TIMP3: variants seen among roughly 807,000 people sequenced by gnomAD.
TIMP3 encodes TIMP metallopeptidase inhibitor 3, also known as metalloproteinase inhibitor 3.
A neutral mutation model predicts 30.0 loss-of-function variants in TIMP3; 11 were observed. The ratio of observed to expected loss-of-function variants is 0.37; its 90% CI spans 0.23 to 0.61. The LOEUF (loss-of-function observed/expected upper bound fraction) is 0.61. TIMP3 is among the 20% of genes least tolerant of loss of function. The pLI is 0.70. For missense variants in TIMP3, 181 were observed against 276.8 expected (o/e 0.65, Z 2.45); for synonymous variants, 112 against 111.3 (o/e 1.01, Z -0.04).
At chr22:32,834,515 A>G (rs2047674066) in intron 1 of TIMP3, among the ~76,000 whole-genome samples, 1 of 152,102 alleles carries the variant, frequency 6.6e-6, no homozygotes, top group Admixed American at 6.5e-5. Context: ...AAGAAGTGTC[A>G]CATGCAGCCA....
chr22:32,827,669 C>T (rs1601470315), intron 1 of TIMP3, among the ~76,000 whole-genome samples: 1 of 152,338 alleles, frequency 6.6e-6, no homozygotes, highest in African/African-American at 2.4e-5. Context: ...ATGTCAGTCA[C>T]ATCTCTGCCA....
chr22:32,841,327 C>G (rs1434065065), intron 1 of TIMP3, among the ~76,000 whole-genome samples: 1 of 152,142 alleles, frequency 6.6e-6, no homozygotes, highest in African/African-American at 2.4e-5. Flanking sequence ...AGCACAGTGT[C>G]AGGGGCCAAG....
At chr22:32,838,933 T>C (rs1180693165) in intron 1 of TIMP3, among the ~76,000 whole-genome samples, 1 of 151,446 alleles carries the variant, frequency 6.6e-6, no homozygotes, top group Admixed American at 6.6e-5. Flanking sequence ...GAACCAATCA[T>C]TAAAGAACAC....
chr22:32,813,250 C>A (rs1191342279), intron 1 of TIMP3, among the ~76,000 whole-genome samples: 3 of 152,068 alleles, frequency 2.0e-5, no homozygotes, highest in Non-Finnish European at 4.4e-5. Context: ...ATAAGACAAG[C>A]AATAAAACAG....
At chr22:32,810,480 G>A (rs2046887786) in intron 1 of TIMP3, among the ~76,000 whole-genome samples, 1 of 145,990 alleles carries the variant, frequency 6.8e-6, no homozygotes, top group African/African-American at 2.5e-5. Context: ...GAGAGCCCAA[G>A]GTAAAGTTCA....
At chr22:32,824,147 G>C (rs117418375) in intron 1 of TIMP3, among the ~76,000 whole-genome samples, 5 of 151,710 alleles carry the variant, frequency 3.3e-5, no homozygotes, top group Non-Finnish European at 5.9e-5. Context: ...GTGTGGTGGC[G>C]CACATCTGAA....
intron 1 of TIMP3, among the ~76,000 whole-genome samples, chr22:32,803,701 G>A (rs894622157): frequency 6.6e-6 from 1 of 152,182 alleles, no homozygotes; most frequent in Non-Finnish European, 1.5e-5. Flanking sequence ...AGTGTGGGGA[G>A]TTGCTGCTGC....
intron 1 of TIMP3, among the ~76,000 whole-genome samples, chr22:32,831,132 G>C (rs971636228): frequency 2.5e-4 from 38 of 152,184 alleles, no homozygotes; most frequent in African/African-American, 8.0e-4. Flanking sequence ...AGATCAAGGT[G>C]GCAGCGTGAC....
intron 1 of TIMP3, among the ~76,000 whole-genome samples, chr22:32,806,598 G>A (rs1411930676): frequency 6.6e-6 from 1 of 152,196 alleles, no homozygotes; most frequent in African/African-American, 2.4e-5. Context: ...TTGGCTGTGT[G>A]TGCCTAGGCA....
chr22:32,838,017 C>T (rs372185808), intron 1 of TIMP3, among the ~76,000 whole-genome samples: 29 of 152,324 alleles, frequency 1.9e-4, no homozygotes, highest in African/African-American at 2.9e-4. Context: ...CTCCCTCCGG[C>T]GCCTCCAGGC....
At chr22:32,833,281 C>T (rs2047631802) in intron 1 of TIMP3, among the ~76,000 whole-genome samples, 1 of 152,112 alleles carries the variant, frequency 6.6e-6, no homozygotes. Context: ...CAGGGAGAGA[C>T]CATCCTAATC....
At chr22:32,835,525 G>A (rs2047705746) in intron 1 of TIMP3, among the ~76,000 whole-genome samples, 1 of 152,138 alleles carries the variant, frequency 6.6e-6, no homozygotes, top group South Asian at 2.1e-4. Flanking sequence ...GATTTTAAAT[G>A]TGAAGTATGA....
At position 32,835,413 on chromosome 22, in the gene TIMP3, C is replaced by A. The variant is rs1008435869; in HGVS notation, c.122-14039C>A. Among the ~76,000 whole-genome samples the A allele has an allele frequency of 2.0e-5, 3 of 152,208 alleles. No homozygotes were observed. The East Asian group carries it at 5.8e-4, about 29-fold the overall frequency. On this transcript the variant is annotated intron_variant, in intron 1 of 4. Transcript: ENST00000266085. ...AAATGAATCTACGAACATATAGTTA[C>A]ATACACACTAGGGCCCCTGAGAATA...
rs370344672 is a variant in TIMP3 at position 32,862,120 on chromosome 22, T to C, written c.*2743T>C. ...AGGAAAAAAGTTTAAACTACATTCA[T>C]GTTCTTGTTCTGTGTCACTCGGCCC... On this transcript the variant is annotated 3_prime_UTR_variant, in exon 5 of 5. Coordinates refer to ENST00000266085, the MANE Select transcript of TIMP3 (RefSeq NM_000362.5). The C allele has an allele frequency of 5.2e-5, 8 of 152,688 alleles. No homozygotes were observed. In the East Asian group the frequency reaches 1.4e-3, roughly 26 times the overall value. 9.5% of individuals were successfully genotyped at this position (152,688 alleles called of 1,614,324 possible). A position where few individuals can be genotyped will look rare whatever the true frequency, so the allele number is the denominator to read the frequency against.
chr22:32,811,814 C>T (rs1418943851), intron 1 of TIMP3, among the ~76,000 whole-genome samples: 1 of 152,182 alleles, frequency 6.6e-6, no homozygotes, highest in Non-Finnish European at 1.5e-5. Context: ...AGGGCAAGCC[C>T]AACACTTGTC....
intron 2 of TIMP3, among the ~76,000 whole-genome samples, chr22:32,852,968 C>T (rs2048264501): frequency 1.3e-5 from 2 of 152,138 alleles, no homozygotes; most frequent in South Asian, 2.1e-4. Flanking sequence ...GGGGACAGAA[C>T]GTGGGGGACA....
intron 1 of TIMP3, among the ~76,000 whole-genome samples, chr22:32,836,441 G>A (rs944136858): frequency 1.3e-5 from 2 of 152,138 alleles, no homozygotes; most frequent in Admixed American, 1.3e-4. Flanking sequence ...TTATAGTTCT[G>A]CCATTACCCA....
At chr22:32,829,965 T>C (rs130297) in intron 1 of TIMP3, among the ~76,000 whole-genome samples, 133,056 of 152,232 alleles carry the variant, frequency 0.87, 58,209 homozygotes, top group East Asian at 0.89. Context: ...TCTCTCTGCA[T>C]TGCTCTGGGG....
At chr22:32,845,204 CT>C (rs796510322) in intron 1 of TIMP3, among the ~76,000 whole-genome samples, 329 of 148,270 alleles carry the variant, frequency 2.2e-3, no homozygotes, top group African/African-American at 6.7e-3. Flanking sequence ...TAGCCATAAA[CT>C]TTTTTTTTTT....
Sources: gnomAD v4.1 joint callset for allele counts (sites outside exome capture counted in the v4.1 genomes callset) on GRCh38, gnomAD v4.1.1 for gene constraint, MANE v1.5 for transcripts, NCBI Gene and HGNC (gene_info 2026-07-23, HGNC 2026-07-21) for gene names.